Variants in JAKMIP3 observed in about 807,000 individuals in gnomAD.
JAKMIP3 encodes the protein Janus kinase and microtubule interacting protein 3, also known as janus kinase and microtubule-interacting protein 3.
A neutral mutation model predicts 118.5 loss-of-function variants in JAKMIP3; 58 were observed. That is an observed-to-expected ratio of 0.49 (90% CI 0.40 to 0.61). JAKMIP3 has a LOEUF of 0.61. Among genes scored for constraint, JAKMIP3 ranks in the 20% least tolerant of loss-of-function variants. The probability of loss-of-function intolerance (pLI) is 0.00; values close to 1 mark genes in which losing one functional copy is unlikely to be tolerated. For synonymous variants in JAKMIP3, 486 were observed against 451.2 expected, an observed-to-expected ratio of 1.08 and a Z score of -0.98; for missense variants, 950 against 1,109.0, an observed-to-expected ratio of 0.86 and a Z score of 2.04.
intron 1 of JAKMIP3, among the ~76,000 whole-genome samples, chr10:132,082,847 G>T (rs1319039041): frequency 6.6e-6 from 1 of 152,228 alleles, no homozygotes; most frequent in Non-Finnish European, 1.5e-5. Flanking sequence ...TTGACCTCGT[G>T]ATCCGCCCGC....
At chr10:132,114,040 T>C (rs1372275603) in intron 2 of JAKMIP3, among the ~76,000 whole-genome samples, 1 of 152,240 alleles carries the variant, frequency 6.6e-6, no homozygotes, top group East Asian at 1.9e-4. Context: ...CTGTGTCCCT[T>C]GCTTACTCCT....
At chr10:132,109,024 A>G (rs1479572119) in intron 2 of JAKMIP3, among the ~76,000 whole-genome samples, 1 of 140,172 alleles carries the variant, frequency 7.1e-6, no homozygotes, top group African/African-American at 2.7e-5. Flanking sequence ...TATGTATACA[A>G]ATTATATATG....
chr10:132,108,680 A>T (rs2135070968), intron 2 of JAKMIP3, among the ~76,000 whole-genome samples: 1 of 151,958 alleles, frequency 6.6e-6, no homozygotes, highest in Admixed American at 6.6e-5. Flanking sequence ...CTCCAAGCCA[A>T]ACCTGGACCT....
intron 1 of JAKMIP3, among the ~76,000 whole-genome samples, chr10:132,093,616 A>G (rs1216887122): frequency 6.6e-6 from 1 of 152,118 alleles, no homozygotes; most frequent in Non-Finnish European, 1.5e-5. Flanking sequence ...GAGTGACCCA[A>G]TTTTCCAGGT....
chr10:132,152,087 C>A (rs2056321569), intron 16 of JAKMIP3, among the ~76,000 whole-genome samples: 1 of 152,210 alleles, frequency 6.6e-6, no homozygotes, highest in Admixed American at 6.5e-5. Flanking sequence ...GGGAGCAGGG[C>A]AGGAGAGATG....
intron 9 of JAKMIP3, among the ~76,000 whole-genome samples, chr10:132,139,242 G>C (rs1344405868): frequency 3.4e-5 from 4 of 118,112 alleles, no homozygotes; most frequent in East Asian, 2.1e-4. Flanking sequence ...ATATGCATCT[G>C]TGTGTGTATG....
In JAKMIP3 at chr10:132,044,992, G is replaced by A. The variant is rs1317531344; in HGVS notation, c.-138+8254G>A. Among the ~76,000 whole-genome samples, 2 of 152,116 alleles carry A rather than the reference G, an allele frequency of 1.3e-5. No homozygotes were observed. Among genetic ancestry groups the A allele is most frequent in the Non-Finnish European group, 2.9e-5 (2 of 68,026 alleles). The stretch of plus-strand genomic sequence containing the variant: ...TGTGCGTTTTGCTGACTCATCATCC[G>A]CGGGTGGACACTGGGGGGCTCCATG... On this transcript the variant is annotated intron_variant, in intron 1 of 23. Transcript: ENST00000657785. The surrounding 1 kb of genome is among the most constrained non-coding windows in gnomAD (Gnocchi z 5.3).
At chr10:132,106,754 A>T (rs114904059) in intron 2 of JAKMIP3, among the ~76,000 whole-genome samples, 1,778 of 152,320 alleles carry the variant, frequency 0.012, 32 homozygotes, top group African/African-American at 0.04. Context: ...AAATGGAGAG[A>T]CCAGGCTGCA....
intron 1 of JAKMIP3, among the ~76,000 whole-genome samples, chr10:132,071,307 A>T (rs1327024949): frequency 1.3e-5 from 2 of 152,022 alleles, no homozygotes; most frequent in Non-Finnish European, 2.9e-5. Context: ...AACTTTGTTG[A>T]GATTTGTTTT....
In JAKMIP3 at chr10:132,180,787, G is replaced by T. The variant is rs543209190; in HGVS notation, c.*1104-1570G>T. Among the ~76,000 whole-genome samples, 7 of 24,110 alleles carry T rather than the reference G, an allele frequency of 2.9e-4. 1 individual carries two copies. Among genetic ancestry groups the T allele is most frequent in the Non-Finnish European group, 6.0e-4 (6 of 10,060 alleles). 15.8% of individuals were successfully genotyped at this position (24,110 alleles called of 152,430 possible). On this transcript the variant is annotated intron_variant, in intron 23 of 23. Transcript: ENST00000684848. ...TGTGTGTGCGTGTGTGTGTGTGCGC[G>T]TATGCATGTGCTGTGAGTGGTGTGT... is the stretch of plus-strand genomic sequence containing the variant.
chr10:132,121,325 C>A (rs1332094415), intron 3 of JAKMIP3, among the ~76,000 whole-genome samples: 2 of 152,178 alleles, frequency 1.3e-5, no homozygotes, highest in Admixed American at 1.3e-4. Flanking sequence ...AGGTGGGCGA[C>A]GGAGGCCTCG....
chr10:132,095,508 G>T (rs185748612), intron 1 of JAKMIP3, among the ~76,000 whole-genome samples: 1 of 152,156 alleles, frequency 6.6e-6, no homozygotes, highest in South Asian at 2.1e-4. Flanking sequence ...TGTGTTTGGG[G>T]GTGAACGGTC....
At chr10:132,058,116 C>T (rs939146834) in intron 1 of JAKMIP3, among the ~76,000 whole-genome samples, 1 of 152,176 alleles carries the variant, frequency 6.6e-6, no homozygotes, top group African/African-American at 2.4e-5. Context: ...GAATGAGTCT[C>T]AGATCCTGTG....
Position 132,148,012 on chromosome 10 carries a change from C to A in JAKMIP3, c.1810C>A (p.Gln604Lys). The A allele has an allele frequency of 6.2e-6, 10 of 1,610,620 alleles. No homozygotes were observed. The highest frequency in any genetic ancestry group is 8.5e-6 in the Non-Finnish European group (10 of 1,178,576). The stretch of plus-strand genomic sequence containing the variant: ...ACACGAGGTGCAGGACGCCAGAGAC[C>A]AAAACGAGCTGCTGGAGTTCAGGAT... The part of the protein sequence containing the change: ...LRHEVQDARD[Q>K]NELLEFRILE... Residue 604 changes from glutamine (Q) to lysine (K), a missense_variant, in exon 14 of 24, where the codon CAA becomes AAA. Physicochemically the swap from Gln to Lys is moderately conservative, Grantham distance 53. Coordinates refer to ENST00000684848, the MANE Select transcript of JAKMIP3 (RefSeq NM_001323087.2).
intron 1 of JAKMIP3, among the ~76,000 whole-genome samples, chr10:132,103,185 T>G (rs1228954603): frequency 6.6e-6 from 1 of 151,692 alleles, no homozygotes; most frequent in Admixed American, 6.6e-5. Flanking sequence ...GGTGCTTTTT[T>G]CCCTCTGTCG....
intron 17 of JAKMIP3, among the ~76,000 whole-genome samples, chr10:132,153,498 T>C (rs1164519786): frequency 6.6e-6 from 1 of 151,902 alleles, no homozygotes; most frequent in African/African-American, 2.4e-5. Flanking sequence ...CAGATGTGTC[T>C]CTCCTACGGT....
intron 1 of JAKMIP3, among the ~76,000 whole-genome samples, chr10:132,077,036 T>A (rs1349843933): frequency 6.6e-6 from 1 of 152,182 alleles, no homozygotes; most frequent in African/African-American, 2.4e-5. Context: ...TGGCCCCAGG[T>A]CTGTGGTGGC....
rs137939697 is a variant in JAKMIP3 at position 132,151,302 on chromosome 10, T to C, written c.2007+1261T>C. Among the ~76,000 whole-genome samples the C allele has an allele frequency of 6.9e-3, 1,049 of 152,208 alleles. 4 individuals are homozygous for C. The highest frequency in any genetic ancestry group is 0.023 in the African/African-American group (974 of 41,534). On this transcript the variant is annotated intron_variant, in intron 16 of 23. Transcript: ENST00000684848. ...CACCTATCCACATCCCCTCCCTCCATCCATCCATCTATCCATCCCTCATCC... is the reference window on the plus strand; with the variant it reads ...CACCTATCCACATCCCCTCCCTCCACCCATCCATCTATCCATCCCTCATCC...
intron 2 of JAKMIP3, among the ~76,000 whole-genome samples, chr10:132,109,373 G>A (rs527414135): frequency 5.9e-5 from 9 of 152,202 alleles, no homozygotes; most frequent in East Asian, 5.8e-4. Context: ...AAAAGAATAT[G>A]GCAGACAGGC....
Sources: allele counts gnomAD v4.1 joint callset (sites outside exome capture counted in the v4.1 genomes callset), GRCh38; gene constraint gnomAD v4.1.1; non-coding constraint Gnocchi (gnomAD v3.1); transcripts MANE v1.5; gene names NCBI Gene and HGNC (gene_info 2026-07-23, HGNC 2026-07-21).